The following DCX variants were observed in gnomAD, a reference collection of about 807,000 sequenced individuals.
DCX encodes neuronal migration protein doublecortin.
DCX carries 4 observed loss-of-function variants against 20.9 expected under a neutral mutation model. The observed-to-expected ratio is 0.19, with a 90% CI of 0.09 to 0.44. The LOEUF (loss-of-function observed/expected upper bound fraction) is 0.44. DCX is among the 20% of genes least tolerant of loss of function. The pLI, the probability that DCX is intolerant of heterozygous loss-of-function variation, is 0.99. For missense variants in DCX, 133 were observed against 296.9 expected (o/e 0.45, Z 4.06); for synonymous variants, 103 against 111.4 (o/e 0.92, Z 0.47).
chrX:111,391,595 T>TG (rs1304370888), intron 3 of DCX, among the ~76,000 whole-genome samples: 2 of 110,845 alleles, frequency 1.8e-5, no homozygotes, highest in Non-Finnish European at 3.8e-5. Flanking sequence ...TCTTTTTTTG[T>TG]GGGGGGAAGC....
chrX:111,401,865 A>G (rs938127882), intron 2 of DCX, among the ~76,000 whole-genome samples: 1 of 112,462 alleles, frequency 8.9e-6, no homozygotes, highest in Non-Finnish European at 1.9e-5. Flanking sequence ...TACATACTTG[A>G]TAAGAAACCA....
chrX:111,342,339 TTATATATATATA>T (rs60045433), intron 3 of DCX, among the ~76,000 whole-genome samples: 432 of 20,730 alleles, frequency 0.021, 12 homozygotes, highest in African/African-American at 0.038. Context: ...GAGCTAACTA[TTATATATATATA>T]TATATATATA....
chrX:111,323,603 G>GGT (rs2095092009), intron 5 of DCX, among the ~76,000 whole-genome samples: 3 of 52,162 alleles, frequency 5.8e-5, no homozygotes, highest in Admixed American at 2.3e-4. Context: ...TATTATTTCT[G>GGT]TTTTTTTTTT....
rs1249228064 is a variant in DCX, at chrX:111,381,156, C to CT, written c.705+19833dup. The stretch of plus-strand genomic sequence containing the variant: ...TAGGTTTCTGCTTGGAATATAATTT[C>CT]TTTTTTTTTTCTCTTTTCTATATTC... On this transcript the variant is annotated intron_variant, in intron 3 of 6. Coordinates refer to ENST00000636035, the MANE Select transcript of DCX (RefSeq NM_001195553.2). Among the ~76,000 whole-genome samples the CT allele has an allele frequency of 2.4e-3, 251 of 106,614 alleles. 1 individual carries two copies. Among genetic ancestry groups the CT allele is most frequent in the African/African-American group, 5.4e-3 (160 of 29,519 alleles). The allele number at this position is 106,614 out of a possible 115,157, so 92.6% of individuals were successfully genotyped here. A position where few individuals can be genotyped will look rare whatever the true frequency, so the allele number is the denominator to read the frequency against.
intron 3 of DCX, among the ~76,000 whole-genome samples, chrX:111,340,562 G>A (rs1168494696): frequency 1.8e-5 from 2 of 111,414 alleles, no homozygotes; most frequent in Admixed American, 9.5e-5. Flanking sequence ...CATGCCACTC[G>A]ACTGAATGAG....
In DCX at chrX:111,317,355, G is replaced by A. The variant is rs745818796; in HGVS notation, c.947-4619C>T. Among the ~76,000 whole-genome samples the A allele has an allele frequency of 3.7e-3, 416 of 111,476 alleles. 2 individuals carry two copies. Among genetic ancestry groups the A allele is most frequent in the African/African-American group, 0.013 (386 of 30,624 alleles). On this transcript the variant is annotated intron_variant, in intron 5 of 6. Coordinates refer to ENST00000636035, the MANE Select transcript of DCX (RefSeq NM_001195553.2). The stretch of plus-strand genomic sequence containing the variant: ...ACTCCCTATTTAATAAATGGTGCTA[G>A]GATAACTGGCTAGCAATATGCAGAA...
intron 6 of DCX, among the ~76,000 whole-genome samples, chrX:111,306,579 C>T (rs2095045810): frequency 9.0e-6 from 1 of 111,239 alleles, no homozygotes; most frequent in Non-Finnish European, 1.9e-5. Flanking sequence ...AACAAATACA[C>T]ATCTATGGAA....
In DCX at chrX:111,295,336, CAA is replaced by C. The variant is rs748512811; in HGVS notation, c.*6349_*6350del. On this transcript the variant is annotated 3_prime_UTR_variant, in exon 7 of 7. Coordinates refer to ENST00000636035, the MANE Select transcript of DCX (RefSeq NM_001195553.2). Reference sequence around the variant, plus strand: ...ATTCAGTATCATGAACAGTTGGTGTCAAGAGTAAATGTTTAGGTGACTCAGAA... The same window carrying C: ...ATTCAGTATCATGAACAGTTGGTGTCGAGTAAATGTTTAGGTGACTCAGAA... The C allele has an allele frequency of 9.8e-5, 11 of 111,698 alleles. No individual in the cohort carries two copies. Among genetic ancestry groups the C allele is most frequent in the Non-Finnish European group, 3.8e-5 (2 of 53,131 alleles). The allele number at this position is 111,698 out of a possible 1,213,427, so 9.2% of individuals were successfully genotyped here. A position where few individuals can be genotyped will look rare whatever the true frequency, so the allele number is the denominator to read the frequency against.
In DCX at chrX:111,343,102, C is replaced by A. The variant is rs1445777902; in HGVS notation, c.706-9949G>T. Among the ~76,000 whole-genome samples, 11 of 104,673 alleles carry A rather than the reference C, an allele frequency of 1.1e-4. No homozygotes were observed. The Admixed American group carries it at 1.1e-3, about 11-fold the overall frequency. 90.9% of individuals were successfully genotyped at this position (104,673 alleles called of 115,157 possible). On this transcript the variant is annotated intron_variant, in intron 3 of 6. Transcript: ENST00000636035. ...TGAAGGAGATAAGCACACAAACTCCCCCCCACCCCCAAAATCAGTGAATCC... is the reference window on the plus strand; with the variant it reads ...TGAAGGAGATAAGCACACAAACTCCACCCCACCCCCAAAATCAGTGAATCC...
chrX:111,320,563 T>G (rs1032719104), intron 5 of DCX, among the ~76,000 whole-genome samples: 4 of 110,709 alleles, frequency 3.6e-5, no homozygotes, highest in African/African-American at 1.3e-4. Context: ...GATCTTCTCC[T>G]TAACTTGTCT....
At chrX:111,406,337 A>G (rs1399105626) in intron 2 of DCX, among the ~76,000 whole-genome samples, 3 of 112,344 alleles carry the variant, frequency 2.7e-5, no homozygotes, top group Non-Finnish European at 3.8e-5. Flanking sequence ...ACCACTGACC[A>G]TTACAATCCC....
chrX:111,331,804 C>T (rs1442678299), intron 4 of DCX, among the ~76,000 whole-genome samples: 2 of 112,189 alleles, frequency 1.8e-5, no homozygotes, highest in Non-Finnish European at 3.8e-5. Context: ...ACTAATAGTG[C>T]TAATTTATTA....
chrX:111,311,474 T>C (rs772165096), intron 6 of DCX, among the ~76,000 whole-genome samples: 3 of 112,151 alleles, frequency 2.7e-5, no homozygotes, highest in Non-Finnish European at 1.9e-5. Context: ...CCTTGACTTA[T>C]AGTATTTGTT....
intron 3 of DCX, among the ~76,000 whole-genome samples, chrX:111,343,612 C>G: frequency 9.0e-6 from 1 of 111,644 alleles, no homozygotes; most frequent in Non-Finnish European, 1.9e-5. Flanking sequence ...GATACCAAAA[C>G]CAGGAAGAAA....
At position 111,311,534 on chromosome X, in the gene DCX, C is replaced by T. The variant is rs992523004; in HGVS notation, c.1044+1105G>A. Among the ~76,000 whole-genome samples the T allele has an allele frequency of 7.2e-5, 8 of 111,758 alleles. No homozygotes were observed. The East Asian group carries it at 1.4e-3, about 20-fold the overall frequency. ...ACCATGGCCAAATTCAAGTTAAAAACGTGATGTCACTCAATACAGAGTTGA... is the reference window on the plus strand; with the variant it reads ...ACCATGGCCAAATTCAAGTTAAAAATGTGATGTCACTCAATACAGAGTTGA... On this transcript the variant is annotated intron_variant, in intron 6 of 6. Coordinates refer to ENST00000636035, the MANE Select transcript of DCX (RefSeq NM_001195553.2).
intron 5 of DCX, among the ~76,000 whole-genome samples, chrX:111,327,367 T>A (rs962473269): frequency 1.1e-4 from 12 of 112,073 alleles, no homozygotes; most frequent in African/African-American, 3.9e-4. Flanking sequence ...TACATGTCCC[T>A]GGCTAACAGC....
intron 3 of DCX, among the ~76,000 whole-genome samples, chrX:111,337,024 C>T (rs1451320627): frequency 8.9e-6 from 1 of 112,043 alleles, no homozygotes; most frequent in Non-Finnish European, 1.9e-5. Context: ...GAAACTCACA[C>T]TCACTTAACA....
intron 6 of DCX, among the ~76,000 whole-genome samples, chrX:111,310,048 A>G (rs2095053890): frequency 8.9e-6 from 1 of 112,674 alleles, no homozygotes; most frequent in Non-Finnish European, 1.9e-5. Flanking sequence ...TTCAGAAAAA[A>G]TAGGCCCAGT....
intron 2 of DCX, among the ~76,000 whole-genome samples, chrX:111,406,410 T>C (rs1428809702): frequency 8.9e-6 from 1 of 112,139 alleles, no homozygotes; most frequent in Admixed American, 9.5e-5. Context: ...TATTTTCACA[T>C]CATTAATAAT....
Sources: gnomAD v4.1 joint callset for allele counts (sites outside exome capture counted in the v4.1 genomes callset) on GRCh38, gnomAD v4.1.1 for gene constraint, MANE v1.5 for transcripts, NCBI Gene and HGNC (gene_info 2026-07-23, HGNC 2026-07-21) for gene names.